The following OPCML variants were observed in gnomAD, a reference collection of about 807,000 sequenced individuals.
OPCML encodes the protein opioid binding protein/cell adhesion molecule like.
Under a neutral mutation model 37.8 loss-of-function variants are expected in OPCML, and 13 were observed. The observed-to-expected ratio is 0.34, with a 90% CI of 0.22 to 0.55. The LOEUF (loss-of-function observed/expected upper bound fraction) is 0.55. Among genes scored for constraint, OPCML ranks in the 20% least tolerant of loss-of-function variants. The pLI, the probability that OPCML is intolerant of heterozygous loss-of-function variation, is 0.91. For synonymous variants in OPCML, 176 were observed against 168.8 expected (o/e 1.04, Z -0.33); for missense variants, 341 against 435.6 (o/e 0.78, Z 1.93).
chr11:132,620,307 C>A (rs1350666191), intron 3 of OPCML, among the ~76,000 whole-genome samples: 1 of 152,204 alleles, frequency 6.6e-6, no homozygotes, highest in Non-Finnish European at 1.5e-5. Context: ...TTGTTTCTTT[C>A]TCAGTCCAAT....
rs546246443 is a variant in OPCML, at chr11:132,643,385, C to T, written c.379+13702G>A. On this transcript the variant is annotated intron_variant, in intron 3 of 7. Coordinates refer to ENST00000524381, the MANE Select transcript of OPCML (RefSeq NM_001012393.5). The stretch of plus-strand genomic sequence containing the variant: ...GGAGTGTGCCATTTGCCCAGAGAAC[C>T]GCAGGGTGTCCTGGAACAAGGTGCA... Among the ~76,000 whole-genome samples the T allele has an allele frequency of 1.1e-4, 16 of 152,292 alleles. No individual in the cohort carries two copies. In the East Asian group the frequency reaches 1.7e-3, roughly 17 times the overall value.
At chr11:133,269,457 C>T (rs534618128) in intron 1 of OPCML, among the ~76,000 whole-genome samples, 1 of 152,350 alleles carries the variant, frequency 6.6e-6, no homozygotes, top group African/African-American at 2.4e-5. Flanking sequence ...TTCTCACTCA[C>T]TGATCTGGTC....
intron 3 of OPCML, among the ~76,000 whole-genome samples, chr11:132,598,344 C>T (rs954585160): frequency 6.6e-6 from 1 of 152,138 alleles, no homozygotes; most frequent in African/African-American, 2.4e-5. Flanking sequence ...ATTGTGACCC[C>T]TTGCAGGCTA....
At chr11:132,993,263 C>T (rs182331821) in intron 1 of OPCML, among the ~76,000 whole-genome samples, 6 of 152,306 alleles carry the variant, frequency 3.9e-5, no homozygotes, top group Admixed American at 3.9e-4. Context: ...AATCTGTATA[C>T]ACATGTGAAT....
At chr11:133,258,014 G>A (rs748872484) in intron 1 of OPCML, among the ~76,000 whole-genome samples, 4 of 152,114 alleles carry the variant, frequency 2.6e-5, no homozygotes, top group Admixed American at 6.5e-5. Flanking sequence ...GTTAAGAAGC[G>A]GTGGTAGTCA....
chr11:132,732,597 G>T (rs537873547), intron 2 of OPCML, among the ~76,000 whole-genome samples: 1 of 152,146 alleles, frequency 6.6e-6, no homozygotes, highest in African/African-American at 2.4e-5. Flanking sequence ...GGATGAAAGA[G>T]AACAGTGAGG....
chr11:132,635,902 A>G (rs570423472), intron 3 of OPCML, among the ~76,000 whole-genome samples: 1 of 152,198 alleles, frequency 6.6e-6, no homozygotes, highest in Non-Finnish European at 1.5e-5. Context: ...CTTTCAGGCT[A>G]CATTCATGTT....
chr11:132,751,831 T>A (rs1273534199), intron 2 of OPCML, among the ~76,000 whole-genome samples: 3 of 152,238 alleles, frequency 2.0e-5, no homozygotes, highest in Non-Finnish European at 2.9e-5. Flanking sequence ...AAAGTGCCAG[T>A]CAATACTTGA....
intron 2 of OPCML, among the ~76,000 whole-genome samples, chr11:132,942,592 G>C (rs78407569): frequency 2.9e-5 from 3 of 104,044 alleles, no homozygotes; most frequent in Admixed American, 1.1e-4. Flanking sequence ...GCTCAGGCTA[G>C]CCCCCCAGTG....
intron 4 of OPCML, among the ~76,000 whole-genome samples, chr11:132,477,552 A>C (rs780570709): frequency 1.3e-5 from 2 of 152,208 alleles, no homozygotes; most frequent in Non-Finnish European, 2.9e-5. Context: ...AACAGTCAAG[A>C]TATGGCTAAG....
intron 1 of OPCML, among the ~76,000 whole-genome samples, chr11:133,480,460 A>G (rs1165590326): frequency 6.6e-6 from 1 of 152,168 alleles, no homozygotes; most frequent in Non-Finnish European, 1.5e-5. Flanking sequence ...ACCAGTGTCC[A>G]GGGCCTTCTG....
intron 1 of OPCML, among the ~76,000 whole-genome samples, chr11:133,498,928 G>A (rs1162220808): frequency 6.6e-6 from 1 of 152,204 alleles, no homozygotes; most frequent in Non-Finnish European, 1.5e-5. Context: ...AGAACCCTGT[G>A]TGATATGTGG....
At chr11:133,431,613 G>A (rs1946117349) in intron 1 of OPCML, among the ~76,000 whole-genome samples, 2 of 151,834 alleles carry the variant, frequency 1.3e-5, no homozygotes, top group Non-Finnish European at 2.9e-5. Context: ...TTACAGGCAT[G>A]TGCCACCATG....
At chr11:133,207,013 C>T (rs137968931) in intron 1 of OPCML, among the ~76,000 whole-genome samples, 17 of 150,720 alleles carry the variant, frequency 1.1e-4, no homozygotes, top group East Asian at 8.0e-4. Flanking sequence ...AAGAGCCGGG[C>T]GCGGTGGCTC....
At chr11:132,786,131 T>C (rs1947202857) in intron 2 of OPCML, among the ~76,000 whole-genome samples, 1 of 152,166 alleles carries the variant, frequency 6.6e-6, no homozygotes, top group South Asian at 2.1e-4. Flanking sequence ...GCAGGGCTTG[T>C]AGAATTTTCC....
intron 2 of OPCML, chr11:132,860,765 T>G (rs1445589510): frequency 6.6e-6 from 1 of 152,172 alleles, no homozygotes; most frequent in African/African-American, 2.4e-5. Context: ...TTCACGTAAC[T>G]GTACTTACTG....
At chr11:132,549,383 C>A (rs894103635) in intron 3 of OPCML, among the ~76,000 whole-genome samples, 8 of 152,346 alleles carry the variant, frequency 5.3e-5, no homozygotes, top group Admixed American at 1.3e-4. Context: ...GAATAATCCA[C>A]CCCTTGCTTA....
At chr11:132,978,156 G>T (rs756653573) in intron 1 of OPCML, among the ~76,000 whole-genome samples, 6 of 152,170 alleles carry the variant, frequency 3.9e-5, no homozygotes, top group Admixed American at 1.3e-4. Context: ...CACCTTCACA[G>T]CACAGGTGAT....
intron 2 of OPCML, among the ~76,000 whole-genome samples, chr11:132,737,744 G>A (rs1452541970): frequency 6.6e-6 from 1 of 152,040 alleles, no homozygotes; most frequent in Non-Finnish European, 1.5e-5. Flanking sequence ...AAGGCCCTTG[G>A]ACATTCTAAA....
Sources: allele counts gnomAD v4.1 joint callset (sites outside exome capture counted in the v4.1 genomes callset), GRCh38; gene constraint gnomAD v4.1.1; transcripts MANE v1.5; gene names NCBI Gene and HGNC (gene_info 2026-07-23, HGNC 2026-07-21).